PARPBP: variants seen among roughly 807,000 people sequenced by gnomAD.
PARPBP encodes PARP1 binding protein, also known as PCNA-interacting partner.
A neutral mutation model predicts 50.0 loss-of-function variants in PARPBP; 52 were observed. That is an observed-to-expected ratio of 1.04 (90% CI 0.83 to 1.31). The LOEUF (loss-of-function observed/expected upper bound fraction) is 1.31. Ranked by LOEUF, PARPBP falls within the 50% of genes most tolerant of loss-of-function variation. The pLI is 0.00. For synonymous variants in PARPBP, 244 were observed against 232.1 expected (o/e 1.05, Z -0.47); for missense variants, 697 against 672.0 (o/e 1.04, Z -0.41).
rs1393514399 is a variant in PARPBP, at chr12:102,190,598, A to G, written c.1264-4714A>G. Among the ~76,000 whole-genome samples, 3 of 152,108 alleles carry G rather than the reference A, an allele frequency of 2.0e-5. No individual in the cohort carries two copies. The East Asian group carries it at 5.8e-4, about 29-fold the overall frequency. On this transcript the variant is annotated intron_variant, in intron 9 of 10. Coordinates refer to ENST00000327680, the MANE Select transcript of PARPBP (RefSeq NM_017915.5). ...TAAAGGAAGAGGCCAGTGCCAGCCC[A>G]GTGCCCAGGGGTCCTTGAAACAGGA...
rs182666121 is a variant in PARPBP at position 102,128,803 on chromosome 12, T to A, written c.153+4762T>A. ...CAATGGCCATAGGAGTCCTGATCTC[T>A]CTTCACTACTGATTTCATTTCCTTT... is the stretch of plus-strand genomic sequence containing the variant. On this transcript the variant is annotated intron_variant, in intron 2 of 10. Coordinates refer to ENST00000327680, the MANE Select transcript of PARPBP (RefSeq NM_017915.5). Among the ~76,000 whole-genome samples the A allele has an allele frequency of 2.6e-4, 39 of 152,354 alleles. No individual in the cohort carries two copies. The East Asian group carries it at 6.7e-3, about 26-fold the overall frequency.
intron 4 of PARPBP, among the ~76,000 whole-genome samples, chr12:102,159,174 A>C (rs1454629539): frequency 6.6e-6 from 1 of 152,164 alleles, no homozygotes; most frequent in Non-Finnish European, 1.5e-5. Context: ...TCTGTCACCC[A>C]GGCTGGAGTG....
chr12:102,174,182 A>G (rs1343585213), intron 6 of PARPBP, among the ~76,000 whole-genome samples: 1 of 151,948 alleles, frequency 6.6e-6, no homozygotes, highest in African/African-American at 2.4e-5. Flanking sequence ...CCTAATCATA[A>G]GAATCACCTG....
At chr12:102,183,780 G>A (rs934047999) in intron 9 of PARPBP, among the ~76,000 whole-genome samples, 1 of 151,868 alleles carries the variant, frequency 6.6e-6, no homozygotes, top group African/African-American at 2.4e-5. Flanking sequence ...ATTTCAAATA[G>A]AATACCAAAG....
chr12:102,127,211 A>G (rs1403848130), intron 2 of PARPBP, among the ~76,000 whole-genome samples: 1 of 152,206 alleles, frequency 6.6e-6, no homozygotes, highest in East Asian at 1.9e-4. Context: ...CCTGGGCAAC[A>G]TGGCGAAACC....
chr12:102,126,659 C>A (rs1317930642), intron 2 of PARPBP, among the ~76,000 whole-genome samples: 2 of 152,054 alleles, frequency 1.3e-5, no homozygotes, highest in African/African-American at 2.4e-5. Flanking sequence ...TAGTGGTAGG[C>A]GCCTGTAGTC....
At chr12:102,144,124 C>T (rs1366930891) in intron 2 of PARPBP, among the ~76,000 whole-genome samples, 1 of 152,174 alleles carries the variant, frequency 6.6e-6, no homozygotes, top group Non-Finnish European at 1.5e-5. Context: ...CAGTATCTTA[C>T]TCAAGGTCAC....
At chr12:102,138,645 A>T (rs1481415630) in intron 2 of PARPBP, among the ~76,000 whole-genome samples, 1 of 152,180 alleles carries the variant, frequency 6.6e-6, no homozygotes, top group Non-Finnish European at 1.5e-5. Context: ...TCTTTAATCC[A>T]TCTTGAATTA....
chr12:102,120,654 C>A lies in PARPBP; in HGVS notation c.-4+368C>A, dbSNP rs554641092. ...TGATTAGTTACAGCCTCCCAAGGAA[C>A]CTTTGGGACTTGCACTCGAACACTG... On this transcript the variant is annotated intron_variant, in intron 1 of 10. Coordinates refer to ENST00000327680, the MANE Select transcript of PARPBP (RefSeq NM_017915.5). Among the ~76,000 whole-genome samples, 4 of 152,242 alleles carry A rather than the reference C, an allele frequency of 2.6e-5. No homozygotes were observed. In the South Asian group the frequency reaches 6.2e-4, roughly 24 times the overall value.
intron 8 of PARPBP, among the ~76,000 whole-genome samples, chr12:102,180,873 C>T (rs1208689852): frequency 6.6e-6 from 1 of 152,138 alleles, no homozygotes; most frequent in Non-Finnish European, 1.5e-5. Context: ...AAATTAAGGA[C>T]AATGAGGTAT....
At position 102,148,300 on chromosome 12, in the gene PARPBP, T is replaced by C; in HGVS notation, c.224T>C (p.Leu75Ser). Reference protein sequence around the residue: ...LTWKYLLHEKLNLPVENMDVT... With the variant: ...LTWKYLLHEKSNLPVENMDVT... The stretch of plus-strand genomic sequence containing the variant: ...TGGAAATACTTGCTCCATGAGAAAT[T>C]GAACTTACCAGTTGAAAACATGGAC... Residue 75 changes from leucine to serine, a missense_variant, in exon 3 of 11, where the codon TTG (leucine) becomes TCG (serine). By Grantham distance (145) the Leu-to-Ser change is moderately radical (BLOSUM62 -2). Transcript: ENST00000327680. 6.2e-7 allele frequency: 1 copy of C among 1,608,602 alleles called. No individual in the cohort carries two copies. The highest frequency in any genetic ancestry group is 2.2e-5 in the East Asian group (1 of 44,728).
At chr12:102,147,501 A>T (rs1385029905) in intron 2 of PARPBP, among the ~76,000 whole-genome samples, 4 of 145,522 alleles carry the variant, frequency 2.7e-5, no homozygotes, top group Non-Finnish European at 4.5e-5. Flanking sequence ...TCAATCATAG[A>T]TGGAATTGAA....
chr12:102,120,197 CA>C lies in PARPBP; in HGVS notation c.-92del. ...AGGTTTGAACTGTATTCAGCGGCGA[CA>C]GCGGCGACTGCGGCGGCCGCGGGAG... is the stretch of plus-strand genomic sequence containing the variant. On this transcript the variant is annotated 5_prime_UTR_variant, in exon 1 of 11. Coordinates refer to ENST00000327680, the MANE Select transcript of PARPBP (RefSeq NM_017915.5). 1 of 242,844 alleles carries C rather than the reference CA, an allele frequency of 4.1e-6. No homozygotes were observed. The allele number at this position is 242,844 out of a possible 1,614,324, so 15.0% of individuals were successfully genotyped here.
chr12:102,172,419 T>C (rs1361750094), intron 6 of PARPBP, among the ~76,000 whole-genome samples: 1 of 152,214 alleles, frequency 6.6e-6, no homozygotes, highest in Admixed American at 6.5e-5. Context: ...AGCATAAATA[T>C]CCTGATGTCA....
At chr12:102,185,047 T>C (rs1319993805) in intron 9 of PARPBP, among the ~76,000 whole-genome samples, 1 of 152,194 alleles carries the variant, frequency 6.6e-6, no homozygotes, top group Admixed American at 6.5e-5. Context: ...CATTATTATA[T>C]GGAGTAAATT....
intron 4 of PARPBP, among the ~76,000 whole-genome samples, chr12:102,159,216 C>T (rs568375898): frequency 6.6e-5 from 10 of 152,094 alleles, no homozygotes; most frequent in East Asian, 1.9e-4. Context: ...CTGCAACCTC[C>T]GCCTCCTGGG....
chr12:102,154,517 C>A (rs559835079), intron 4 of PARPBP, among the ~76,000 whole-genome samples: 1 of 152,114 alleles, frequency 6.6e-6, no homozygotes, highest in Non-Finnish European at 1.5e-5. Flanking sequence ...GTAGTACTTA[C>A]GAAAACGGGG....
chr12:102,155,799 C>T (rs1316068419), intron 4 of PARPBP, among the ~76,000 whole-genome samples: 3 of 152,182 alleles, frequency 2.0e-5, no homozygotes, highest in African/African-American at 7.2e-5. Flanking sequence ...GTGGCTGTTG[C>T]AGACCTGCTG....
rs745563263 is a variant in PARPBP at position 102,164,418 on chromosome 12, CTG to C, written c.496-19_496-18del. ...AGAAGAACTGCAATAAAGAAATTAA[CTG>C]AATATTTTATTGCACAGGTGCAGCT... On this transcript the variant is annotated intron_variant, in intron 4 of 10. Coordinates refer to ENST00000327680, the MANE Select transcript of PARPBP (RefSeq NM_017915.5). 6.4e-7 allele frequency: 1 copy of C among 1,572,206 alleles called. No individual in the cohort carries two copies. Among genetic ancestry groups the C allele is most frequent in the East Asian group, 2.2e-5 (1 of 44,634 alleles).
Sources: allele counts gnomAD v4.1 joint callset (sites outside exome capture counted in the v4.1 genomes callset), GRCh38; gene constraint gnomAD v4.1.1; transcripts MANE v1.5; gene names NCBI Gene and HGNC (gene_info 2026-07-23, HGNC 2026-07-21).